The following TRPM3 variants were observed in gnomAD, a reference collection of about 807,000 sequenced individuals.
TRPM3 encodes the protein long transient receptor potential channel 3.
TRPM3 carries 77 observed loss-of-function variants against 181.2 expected under a neutral mutation model. The observed-to-expected ratio is 0.42, with a 90% CI of 0.35 to 0.51. The LOEUF is 0.51. Among genes scored for constraint, TRPM3 ranks in the 20% least tolerant of loss-of-function variants. The pLI is 0.01. For synonymous variants in TRPM3, 745 were observed against 796.4 expected, an observed-to-expected ratio of 0.94 and a Z score of 1.09; for missense variants, 1,759 against 2,196.7, an observed-to-expected ratio of 0.80 and a Z score of 3.98.
chr9:71,197,098 C>T (rs1034771231), intron 1 of TRPM3, among the ~76,000 whole-genome samples: 27 of 152,234 alleles, frequency 1.8e-4, no homozygotes, highest in Admixed American at 3.9e-4. Context: ...TCAATTCCCA[C>T]CTATGAGTGA....
At chr9:71,321,768 AT>A (rs2089242482) in intron 1 of TRPM3, among the ~76,000 whole-genome samples, 1 of 152,154 alleles carries the variant, frequency 6.6e-6, no homozygotes, top group Admixed American at 6.6e-5. Flanking sequence ...AAAAGTCCTT[AT>A]TCATTCAGCA....
chr9:70,622,837 G>A (rs905975337), intron 14 of TRPM3, among the ~76,000 whole-genome samples: 2 of 152,046 alleles, frequency 1.3e-5, no homozygotes, highest in South Asian at 2.1e-4. Flanking sequence ...AGCTCAAACC[G>A]AATCTCTCTC....
chr9:70,882,224 G>T (rs1428692634), intron 1 of TRPM3, among the ~76,000 whole-genome samples: 4 of 152,112 alleles, frequency 2.6e-5, no homozygotes, highest in African/African-American at 9.7e-5. Context: ...TCCTCATTTT[G>T]TTACATGCCT....
At chr9:70,537,479 G>T in intron 25 of TRPM3, 74 bp from the exon 26 acceptor site, 1 of 1,330,020 alleles carries the variant, frequency 7.5e-7, no homozygotes, top group Non-Finnish European at 9.7e-7. Context: ...AAGGATAAAG[G>T]GATCACAGCT....
At chr9:71,293,813 A>G (rs1408945284) in intron 1 of TRPM3, among the ~76,000 whole-genome samples, 1 of 152,044 alleles carries the variant, frequency 6.6e-6, no homozygotes, top group Non-Finnish European at 1.5e-5. Context: ...AACTATAACA[A>G]TGATATTGTC....
intron 1 of TRPM3, among the ~76,000 whole-genome samples, chr9:70,889,320 T>A (rs546322277): frequency 6.6e-6 from 1 of 152,122 alleles, no homozygotes; most frequent in Non-Finnish European, 1.5e-5. Flanking sequence ...TTTTGAGAAG[T>A]TGAACCTTAG....
At chr9:70,679,276 G>A (rs1245253078) in intron 9 of TRPM3, among the ~76,000 whole-genome samples, 1 of 152,084 alleles carries the variant, frequency 6.6e-6, no homozygotes, top group African/African-American at 2.4e-5. Context: ...ATACATATGT[G>A]TAACTATTTG....
chr9:71,188,348 C>A (rs1565319239), intron 1 of TRPM3, among the ~76,000 whole-genome samples: 1 of 151,742 alleles, frequency 6.6e-6, no homozygotes, highest in Non-Finnish European at 1.5e-5. Flanking sequence ...TTAAAAATAT[C>A]AAATTGGCCT....
chr9:70,784,308 A>C, intron 6 of TRPM3, 29 bp from the exon 7 acceptor site: 4 of 1,549,114 alleles, frequency 2.6e-6, no homozygotes, highest in Non-Finnish European at 3.5e-6. Context: ...AGAAAAGGAA[A>C]AAAAGAGAAA....
intron 1 of TRPM3, among the ~76,000 whole-genome samples, chr9:71,206,533 G>GT (rs967213987): frequency 6.6e-6 from 1 of 152,064 alleles, no homozygotes; most frequent in Non-Finnish European, 1.5e-5. Flanking sequence ...CATTCTGTAG[G>GT]TTGCCCATTC....
intron 1 of TRPM3, among the ~76,000 whole-genome samples, chr9:71,005,969 A>G (rs552529296): frequency 2.0e-5 from 3 of 152,330 alleles, no homozygotes; most frequent in East Asian, 1.9e-4. Context: ...AAGTACACCA[A>G]TTGGTTAGAA....
chr9:70,691,188 T>C (rs1251524130), intron 8 of TRPM3, among the ~76,000 whole-genome samples: 1 of 152,214 alleles, frequency 6.6e-6, no homozygotes, highest in Non-Finnish European at 1.5e-5. Context: ...ATTTTTCGTG[T>C]AATATTTTTG....
At chr9:71,114,130 T>C (rs759508501) in intron 1 of TRPM3, among the ~76,000 whole-genome samples, 21 of 152,130 alleles carry the variant, frequency 1.4e-4, no homozygotes, top group African/African-American at 2.2e-4. Flanking sequence ...TATCTATCTA[T>C]CTACCTACCT....
intron 6 of TRPM3, chr9:70,809,878 C>T: frequency 6.1e-6 from 3 of 490,892 alleles, no homozygotes; most frequent in East Asian, 5.6e-5. Flanking sequence ...CAGTGTTTTT[C>T]ATCTCTCTTA....
At chr9:70,787,411 C>T (rs2083930493) in intron 6 of TRPM3, among the ~76,000 whole-genome samples, 1 of 151,928 alleles carries the variant, frequency 6.6e-6, no homozygotes, top group African/African-American at 2.4e-5. Context: ...ATAATAAAAG[C>T]CTTTATAGGG....
At chr9:70,823,768 T>C (rs2093363143) in intron 6 of TRPM3, among the ~76,000 whole-genome samples, 1 of 152,244 alleles carries the variant, frequency 6.6e-6, no homozygotes, top group African/African-American at 2.4e-5. Context: ...TAGTAGGAAT[T>C]CGATAAGTAT....
intron 1 of TRPM3, among the ~76,000 whole-genome samples, chr9:71,206,579 CTTTAG>C (rs768384323): frequency 3.9e-5 from 6 of 152,102 alleles, no homozygotes. Context: ...TGCAGAAGCT[CTTTAG>C]TTTAATTAGA....
chr9:71,192,443 A>T (rs2078090526), intron 1 of TRPM3, among the ~76,000 whole-genome samples: 1 of 151,912 alleles, frequency 6.6e-6, no homozygotes, highest in South Asian at 2.1e-4. Flanking sequence ...CATTTTGATA[A>T]CAGCCATCCT....
At chr9:70,562,216 T>G (rs1251254664) in intron 22 of TRPM3, among the ~76,000 whole-genome samples, 1 of 152,220 alleles carries the variant, frequency 6.6e-6, no homozygotes, top group Non-Finnish European at 1.5e-5. Context: ...GTTTGGGAAA[T>G]GCTGGATTAG....
Sources: gnomAD v4.1 joint callset for allele counts (sites outside exome capture counted in the v4.1 genomes callset) on GRCh38, gnomAD v4.1.1 for gene constraint, MANE v1.5 for transcripts, NCBI Gene and HGNC (gene_info 2026-07-23, HGNC 2026-07-21) for gene names.